The following FUT8 variants were observed in gnomAD, a reference collection of about 807,000 sequenced individuals.
The protein encoded by FUT8 is fucosyltransferase 8, also known as alpha-(1,6)-fucosyltransferase.
FUT8 carries 29 observed loss-of-function variants against 71.3 expected under a neutral mutation model. That is an observed-to-expected ratio of 0.41 (90% CI 0.30 to 0.55). The LOEUF is 0.55. FUT8 is among the 20% of genes least tolerant of loss of function. The pLI is 0.34. For synonymous variants in FUT8, 254 were observed against 239.3 expected (o/e 1.06, Z -0.57); for missense variants, 544 against 702.1 (o/e 0.77, Z 2.55).
intron 3 of FUT8, among the ~76,000 whole-genome samples, chr14:65,599,891 C>A (rs113214767): frequency 9.2e-5 from 14 of 152,280 alleles, no homozygotes; most frequent in African/African-American, 3.4e-4. Context: ...TACATATGCT[C>A]TAACAAAAAT....
At chr14:65,502,928 ACTG>A (rs1197563274) in intron 2 of FUT8, among the ~76,000 whole-genome samples, 1 of 152,222 alleles carries the variant, frequency 6.6e-6, no homozygotes, top group African/African-American at 2.4e-5. Flanking sequence ...GGCTGGAGCT[ACTG>A]GTCCCTAGAC....
intron 2 of FUT8, among the ~76,000 whole-genome samples, chr14:65,553,665 C>T (rs1466487560): frequency 6.7e-6 from 1 of 150,328 alleles, no homozygotes; most frequent in Non-Finnish European, 1.5e-5. Context: ...TTTGTTTTGC[C>T]TTCATTTTAT....
intron 6 of FUT8, among the ~76,000 whole-genome samples, chr14:65,662,690 A>G (rs1033573271): frequency 1.3e-5 from 2 of 152,238 alleles, no homozygotes; most frequent in African/African-American, 4.8e-5. Flanking sequence ...TGCATACACC[A>G]GCTCATTTAT....
At chr14:65,729,456 T>TA (rs1321999529) in intron 9 of FUT8, among the ~76,000 whole-genome samples, 6 of 152,108 alleles carry the variant, frequency 3.9e-5, no homozygotes, top group African/African-American at 1.4e-4. Flanking sequence ...GACGTATGCC[T>TA]AAAATTATCC....
At chr14:65,417,231 A>T (rs2065231996) in intron 1 of FUT8, among the ~76,000 whole-genome samples, 1 of 152,170 alleles carries the variant, frequency 6.6e-6, no homozygotes, top group South Asian at 2.1e-4. Flanking sequence ...GTGAGCTACC[A>T]TGCTTGGTTG....
At chr14:65,433,262 T>C (rs2065503861) in intron 1 of FUT8, among the ~76,000 whole-genome samples, 1 of 152,170 alleles carries the variant, frequency 6.6e-6, no homozygotes, top group East Asian at 1.9e-4. Context: ...CATATAAATA[T>C]ATAATTATAA....
the FUT8 span, among the ~76,000 whole-genome samples, chr14:65,400,942 T>A: frequency 7.2e-5 from 11 of 152,302 alleles, no homozygotes; most frequent in Admixed American, 2.6e-4. Flanking sequence ...ATCATACCGC[T>A]TTCACCTTTT....
At chr14:65,444,306 C>G (rs1286853363) in intron 1 of FUT8, among the ~76,000 whole-genome samples, 1 of 152,146 alleles carries the variant, frequency 6.6e-6, no homozygotes, top group Non-Finnish European at 1.5e-5. Context: ...TAGACAATAG[C>G]AAGCTGACAG....
At chr14:65,587,224 A>G (rs1331171591) in intron 3 of FUT8, among the ~76,000 whole-genome samples, 2 of 152,060 alleles carry the variant, frequency 1.3e-5, no homozygotes, top group Non-Finnish European at 2.9e-5. Context: ...AATTTTTACA[A>G]AAATAGGAAA....
chr14:65,543,064 G>A (rs1884775215), intron 2 of FUT8, among the ~76,000 whole-genome samples: 1 of 152,196 alleles, frequency 6.6e-6, no homozygotes. Context: ...TTACAGGCGT[G>A]AGCCACCGCG....
chr14:65,473,605 A>C (rs1377167579), intron 2 of FUT8, among the ~76,000 whole-genome samples: 1 of 152,230 alleles, frequency 6.6e-6, no homozygotes, highest in Non-Finnish European at 1.5e-5. Context: ...TAGGATGTAA[A>C]TTGACTGTAG....
intron 2 of FUT8, among the ~76,000 whole-genome samples, chr14:65,535,548 A>G (rs1379745659): frequency 6.6e-6 from 1 of 152,226 alleles, no homozygotes; most frequent in Non-Finnish European, 1.5e-5. Flanking sequence ...CTCAGAAGTC[A>G]TTCAGCAGCA....
At chr14:65,360,091 A>G in the FUT8 span, among the ~76,000 whole-genome samples, 1 of 152,128 alleles carries the variant, frequency 6.6e-6, no homozygotes, top group Non-Finnish European at 1.5e-5. Flanking sequence ...TCAGCCTCCC[A>G]AAGTGCTGGG....
chr14:65,704,103 G>A (rs1894445269), intron 7 of FUT8, among the ~76,000 whole-genome samples: 1 of 152,088 alleles, frequency 6.6e-6, no homozygotes, highest in African/African-American at 2.4e-5. Context: ...TGATAATTTA[G>A]CAGAAAAATT....
chr14:65,575,582 T>TCCTTCTTTCCTTC (rs35174023), intron 3 of FUT8, among the ~76,000 whole-genome samples: 3 of 72,780 alleles, frequency 4.1e-5, no homozygotes, highest in African/African-American at 1.4e-4. Flanking sequence ...CTTCCTTCCT[T>TCCTTCTTTCCTTC]CTTCCTTCCT....
At chr14:65,697,847 T>C (rs1391667813) in intron 7 of FUT8, among the ~76,000 whole-genome samples, 1 of 152,116 alleles carries the variant, frequency 6.6e-6, no homozygotes, top group Admixed American at 6.6e-5. Flanking sequence ...TGGTGGCACA[T>C]TCCTGTAATC....
the FUT8 span, among the ~76,000 whole-genome samples, chr14:65,370,854 TG>T: frequency 6.6e-6 from 1 of 152,212 alleles, no homozygotes; most frequent in East Asian, 1.9e-4. Context: ...TCAAAGTGGG[TG>T]GCTAAAACTT....
intron 2 of FUT8, among the ~76,000 whole-genome samples, chr14:65,525,181 TC>T (rs1230986750): frequency 6.6e-6 from 1 of 151,924 alleles, no homozygotes; most frequent in Non-Finnish European, 1.5e-5. Context: ...CGGTTGTGAA[TC>T]CGTCTGGTCC....
chr14:65,414,996 A>G (rs1210909549), intron 1 of FUT8, among the ~76,000 whole-genome samples: 1 of 152,162 alleles, frequency 6.6e-6, no homozygotes, highest in Non-Finnish European at 1.5e-5. Context: ...TATGGAATCG[A>G]AAAAAACAAA....
Sources: gnomAD v4.1 joint callset for allele counts (sites outside exome capture counted in the v4.1 genomes callset) on GRCh38, gnomAD v4.1.1 for gene constraint, MANE v1.5 for transcripts, NCBI Gene and HGNC (gene_info 2026-07-23, HGNC 2026-07-21) for gene names.